The following CNTN5 variants were observed in gnomAD, a reference collection of about 807,000 sequenced individuals.
CNTN5 encodes the protein contactin 5, also known as contactin-5.
In CNTN5, 77 loss-of-function variants were observed where a neutral mutation model predicts 129.1. That is an observed-to-expected ratio of 0.60 (90% CI 0.50 to 0.72). The LOEUF (loss-of-function observed/expected upper bound fraction) is 0.72, where lower values mean the gene tolerates loss of function less well. CNTN5 is among the 30% of genes least tolerant of loss of function. The pLI is 0.00. For missense variants in CNTN5, 1,478 were observed against 1,328.8 expected, an observed-to-expected ratio of 1.11 and a Z score of -1.75; for synonymous variants, 509 against 465.6, an observed-to-expected ratio of 1.09 and a Z score of -1.20.
chr11:100,042,766 G>A (rs902261670), intron 9 of CNTN5, among the ~76,000 whole-genome samples: 1 of 152,158 alleles, frequency 6.6e-6, no homozygotes, highest in East Asian at 1.9e-4. Flanking sequence ...CAGAATTTCA[G>A]TGTGGCTTCA....
At chr11:99,419,725 A>T (rs1235946227) in intron 2 of CNTN5, among the ~76,000 whole-genome samples, 2 of 152,164 alleles carry the variant, frequency 1.3e-5, no homozygotes, top group African/African-American at 4.8e-5. Flanking sequence ...GGAGAAAGTT[A>T]TGTAAATTTC....
intron 3 of CNTN5, among the ~76,000 whole-genome samples, chr11:99,647,871 T>C (rs1952023529): frequency 6.6e-6 from 1 of 151,986 alleles, no homozygotes; most frequent in African/African-American, 2.4e-5. Context: ...GATTCTTGTA[T>C]GTTGATTTTG....
At chr11:99,741,944 A>G (rs892473853) in intron 3 of CNTN5, among the ~76,000 whole-genome samples, 5 of 152,144 alleles carry the variant, frequency 3.3e-5, no homozygotes, top group African/African-American at 9.7e-5. Flanking sequence ...TAAGGGTGCA[A>G]CATTTTACTA....
At chr11:99,034,267 G>C (rs1295117528) in intron 1 of CNTN5, among the ~76,000 whole-genome samples, 2 of 152,156 alleles carry the variant, frequency 1.3e-5, no homozygotes, top group South Asian at 2.1e-4. Context: ...TTGGTATCAG[G>C]ATGATGCTGG....
intron 13 of CNTN5, among the ~76,000 whole-genome samples, chr11:100,135,775 C>T (rs1210386282): frequency 4.6e-5 from 7 of 152,036 alleles, no homozygotes; most frequent in Admixed American, 4.6e-4. Flanking sequence ...ATGGTCACAC[C>T]TGTAGTTGCT....
intron 13 of CNTN5, among the ~76,000 whole-genome samples, chr11:100,154,793 A>G (rs1359792801): frequency 6.6e-6 from 1 of 152,052 alleles, no homozygotes; most frequent in African/African-American, 2.4e-5. Flanking sequence ...GCTTTATTTC[A>G]TATGTTTGTT....
At chr11:99,461,296 C>G (rs529660790) in intron 2 of CNTN5, among the ~76,000 whole-genome samples, 46 of 152,136 alleles carry the variant, frequency 3.0e-4, no homozygotes, top group Non-Finnish European at 5.6e-4. Flanking sequence ...GACATTTTGG[C>G]AGGATAATTC....
At chr11:100,049,810 C>T (rs980385615) in intron 9 of CNTN5, among the ~76,000 whole-genome samples, 96 of 152,082 alleles carry the variant, frequency 6.3e-4, no homozygotes, top group Non-Finnish European at 9.9e-4. Context: ...AAAAAGTGGG[C>T]AAAGGACATG....
At position 100,063,097 on chromosome 11, in the gene CNTN5, C is replaced by T. The variant is rs142361485; in HGVS notation, c.1162+1704C>T. Among the ~76,000 whole-genome samples, 455 of 152,120 alleles carry T rather than the reference C, an allele frequency of 3.0e-3. 2 individuals are homozygous for T. Among genetic ancestry groups the T allele is most frequent in the Admixed American group, 4.3e-3 (65 of 15,256 alleles). On this transcript the variant is annotated intron_variant, in intron 10 of 24. Transcript: ENST00000524871. The stretch of plus-strand genomic sequence containing the variant: ...GAGGAAAGTACGAATTCTCTGTGTT[C>T]GAAGAATGGCCCACACCTAAATAGA...
chr11:99,673,628 G>A (rs1386770290), intron 3 of CNTN5, among the ~76,000 whole-genome samples: 1 of 152,024 alleles, frequency 6.6e-6, no homozygotes, highest in African/African-American at 2.4e-5. Context: ...CCCAGTGTGT[G>A]TTGTTCCCCT....
chr11:100,220,565 C>A (rs951393363), intron 15 of CNTN5, among the ~76,000 whole-genome samples: 1 of 151,952 alleles, frequency 6.6e-6, no homozygotes, highest in South Asian at 2.1e-4. Flanking sequence ...AATATTGATA[C>A]CCAGTTTGCT....
chr11:99,402,929 A>G (rs1346211653), intron 2 of CNTN5, among the ~76,000 whole-genome samples: 1 of 151,572 alleles, frequency 6.6e-6, no homozygotes, highest in Non-Finnish European at 1.5e-5. Context: ...CTGTTTCATC[A>G]CTGATTTTAT....
rs1398260363 is a variant in CNTN5, at chr11:99,762,257, C to T, written c.56-57287C>T. The stretch of plus-strand genomic sequence containing the variant: ...GGTAGTTTCTTTTGCTGTGCAGAAG[C>T]TCTTTAGTTTAATTAGATCCCATTT... On this transcript the variant is annotated intron_variant, in intron 3 of 24. Transcript: ENST00000524871. Among the ~76,000 whole-genome samples, 39 of 144,934 alleles carry T rather than the reference C, an allele frequency of 2.7e-4. No homozygotes were observed. In the East Asian group the frequency reaches 5.3e-3, roughly 20 times the overall value.
intron 8 of CNTN5, among the ~76,000 whole-genome samples, chr11:99,992,444 T>C (rs1450283297): frequency 6.6e-6 from 1 of 152,132 alleles, no homozygotes; most frequent in African/African-American, 2.4e-5. Context: ...TTCAGACATT[T>C]TAGTCAGTTA....
At chr11:99,064,439 G>T (rs1865019204) in intron 1 of CNTN5, among the ~76,000 whole-genome samples, 2 of 151,132 alleles carry the variant, frequency 1.3e-5, no homozygotes, top group Non-Finnish European at 3.0e-5. Flanking sequence ...CTAAAGAAAA[G>T]ATTTTCATTA....
chr11:99,738,458 G>A (rs889127358), intron 3 of CNTN5, among the ~76,000 whole-genome samples: 1 of 152,136 alleles, frequency 6.6e-6, no homozygotes, highest in Non-Finnish European at 1.5e-5. Context: ...AATTGAAATA[G>A]GTGGTCCAAG....
chr11:99,269,408 A>C (rs543339862), intron 1 of CNTN5, among the ~76,000 whole-genome samples: 29 of 151,994 alleles, frequency 1.9e-4, no homozygotes, highest in African/African-American at 6.3e-4. Context: ...ATTGTTTAAA[A>C]AATAATGTAC....
chr11:99,694,199 CTT>C (rs2134810758), intron 3 of CNTN5, among the ~76,000 whole-genome samples: 1 of 151,770 alleles, frequency 6.6e-6, no homozygotes, highest in African/African-American at 2.4e-5. Flanking sequence ...AAGCCAAAGA[CTT>C]AGAGTTCGTG....
intron 4 of CNTN5, among the ~76,000 whole-genome samples, chr11:99,822,624 G>A (rs768433994): frequency 1.3e-5 from 2 of 152,154 alleles, no homozygotes; most frequent in South Asian, 4.1e-4. Flanking sequence ...GGGAGAATGA[G>A]AGCAGGAAAT....
Sources: allele counts gnomAD v4.1 joint callset (sites outside exome capture counted in the v4.1 genomes callset), GRCh38; gene constraint gnomAD v4.1.1; transcripts MANE v1.5; gene names NCBI Gene and HGNC (gene_info 2026-07-23, HGNC 2026-07-21).